Variants in ATP10A observed in about 807,000 individuals in gnomAD.
The protein encoded by ATP10A is phospholipid-transporting ATPase VA.
A neutral mutation model predicts 147.8 loss-of-function variants in ATP10A; 111 were observed. The observed-to-expected ratio is 0.75, with a 90% confidence interval of 0.64 to 0.88. ATP10A has a LOEUF of 0.88. Among genes scored for constraint, ATP10A ranks in the 40% least tolerant of loss-of-function variants. ATP10A has a pLI of 0.00. For synonymous variants in ATP10A, 875 were observed against 841.6 expected, an observed-to-expected ratio of 1.04 and a Z score of -0.69; for missense variants, 1,927 against 1,959.0, an observed-to-expected ratio of 0.98 and a Z score of 0.31.
At chr15:25,783,124 C>T (rs540162308) in intron 1 of ATP10A, among the ~76,000 whole-genome samples, 5 of 152,204 alleles carry the variant, frequency 3.3e-5, no homozygotes, top group African/African-American at 4.8e-5. Context: ...TGCAGTGAGC[C>T]GTGATGGCAC....
intron 1 of ATP10A, among the ~76,000 whole-genome samples, chr15:25,842,381 T>G (rs988480175): frequency 6.6e-6 from 1 of 152,180 alleles, no homozygotes; most frequent in African/African-American, 2.4e-5. Flanking sequence ...GAGGCCCCAG[T>G]CAGTCTGCCT....
Position 25,723,923 on chromosome 15 carries a change from A to C in ATP10A, c.1078T>G (p.Tyr360Asp). Residue 360 changes from tyrosine to aspartate, a missense_variant, in exon 6 of 21, where the codon TAC becomes GAC. Tyr to Asp is a radical substitution (Grantham distance 160, BLOSUM62 -3). Coordinates refer to ENST00000555815, the MANE Select transcript of ATP10A (RefSeq NM_024490.4). ...SSLSPVTAAVYSFLTMIIVLQ... is the reference protein window; with the variant it reads ...SSLSPVTAAVDSFLTMIIVLQ... Reference sequence around the variant, plus strand: ...ACTATTATCATTGTTAAAAATGAGTAAACTGCAGCTGTGACTGGGGATAAG... The same window carrying C: ...ACTATTATCATTGTTAAAAATGAGTCAACTGCAGCTGTGACTGGGGATAAG... The C allele has an allele frequency of 6.2e-7, 1 of 1,606,762 alleles. No individual in the cohort carries two copies. Among genetic ancestry groups the C allele is most frequent in the Non-Finnish European group, 8.5e-7 (1 of 1,177,782 alleles).
At chr15:25,807,562 G>T (rs1891247276) in intron 1 of ATP10A, among the ~76,000 whole-genome samples, 1 of 152,222 alleles carries the variant, frequency 6.6e-6, no homozygotes, top group Non-Finnish European at 1.5e-5. Context: ...CAGCACTTTG[G>T]GAGGCCAAGG....
At chr15:25,700,185 C>A (rs1367444777) in intron 13 of ATP10A, among the ~76,000 whole-genome samples, 1 of 152,274 alleles carries the variant, frequency 6.6e-6, no homozygotes, top group South Asian at 2.1e-4. Flanking sequence ...TAACAAGATA[C>A]CACTACACAC....
At position 25,694,794 on chromosome 15, in the gene ATP10A, C is replaced by T. The variant is rs753855699; in HGVS notation, c.3088+25G>A. Reference sequence around the variant, plus strand: ...AAGTTTGGGTCCAGCTGGGAGGAGGCCGTCTGGCCAGCTGGGATACTTGCC... The same window carrying T: ...AAGTTTGGGTCCAGCTGGGAGGAGGTCGTCTGGCCAGCTGGGATACTTGCC... On this transcript the variant is annotated intron_variant, in intron 14 of 20. Transcript: ENST00000555815. 3.2e-6 allele frequency: 5 copies of T among 1,576,128 alleles called. No individual in the cohort carries two copies. The Admixed American group carries it at 8.7e-5, about 27-fold the overall frequency.
intron 1 of ATP10A, among the ~76,000 whole-genome samples, chr15:25,815,120 C>T (rs1891594938): frequency 6.6e-6 from 1 of 152,194 alleles, no homozygotes; most frequent in Non-Finnish European, 1.5e-5. Flanking sequence ...ACCAGGTCGA[C>T]ATCACACCAC....
At chr15:25,852,491 G>A (rs999355028) in intron 1 of ATP10A, among the ~76,000 whole-genome samples, 2 of 152,048 alleles carry the variant, frequency 1.3e-5, no homozygotes, top group East Asian at 1.9e-4. Flanking sequence ...AACCCTCAGC[G>A]TCTCTCTAAC....
chr15:25,786,174 G>A lies in ATP10A; in HGVS notation c.450-4951C>T, dbSNP rs571848814. Among the ~76,000 whole-genome samples, 93 of 152,278 alleles carry A rather than the reference G, an allele frequency of 6.1e-4. 1 individual carries two copies. Among genetic ancestry groups the A allele is most frequent in the African/African-American group, 2.1e-3 (88 of 41,556 alleles). Reference sequence around the variant, plus strand: ...GTGGCTGGGGGCAGAGAGGTGCCACGCCAGCACACGGCATCAGGGTGGGCC... The same window carrying A: ...GTGGCTGGGGGCAGAGAGGTGCCACACCAGCACACGGCATCAGGGTGGGCC... On this transcript the variant is annotated intron_variant, in intron 1 of 20. Transcript: ENST00000555815.
intron 1 of ATP10A, among the ~76,000 whole-genome samples, chr15:25,852,792 A>G (rs1015893472): frequency 1.3e-5 from 2 of 152,130 alleles, no homozygotes; most frequent in African/African-American, 4.8e-5. Context: ...CTACCCCTGT[A>G]CAATCATCCC....
chr15:25,748,354 T>G (rs1179458187), intron 2 of ATP10A, among the ~76,000 whole-genome samples: 2 of 152,154 alleles, frequency 1.3e-5, no homozygotes, highest in Non-Finnish European at 2.9e-5. Flanking sequence ...TGGTATGGCA[T>G]TAGAAAAATC....
At chr15:25,843,166 T>G (rs1463806735) in intron 1 of ATP10A, among the ~76,000 whole-genome samples, 8 of 151,956 alleles carry the variant, frequency 5.3e-5, no homozygotes, top group Non-Finnish European at 1.0e-4. Flanking sequence ...ATGTGCCTCC[T>G]CCCTGGCACC....
At chr15:25,809,208 C>CCCAACTGAGTGTGGAG in intron 1 of ATP10A, among the ~76,000 whole-genome samples, 1 of 152,206 alleles carries the variant, frequency 6.6e-6, no homozygotes, top group African/African-American at 2.4e-5. Context: ...CCAGAAAGAG[C>CCCAACTGAGTGTGGAG]CCAACTGAGT....
At chr15:25,837,398 G>A (rs1290713581) in intron 1 of ATP10A, among the ~76,000 whole-genome samples, 1 of 152,230 alleles carries the variant, frequency 6.6e-6, no homozygotes, top group Non-Finnish European at 1.5e-5. Context: ...GGGACCTGAA[G>A]TGAAATAAGC....
intron 2 of ATP10A, among the ~76,000 whole-genome samples, chr15:25,747,968 T>C (rs542873622): frequency 6.6e-6 from 1 of 152,274 alleles, no homozygotes; most frequent in South Asian, 2.1e-4. Context: ...AAATTCTTTT[T>C]TTTTTTTCTT....
intron 2 of ATP10A, among the ~76,000 whole-genome samples, chr15:25,750,453 G>C (rs1888086023): frequency 6.6e-6 from 1 of 151,904 alleles, no homozygotes; most frequent in South Asian, 2.1e-4. Flanking sequence ...AAATGATAAA[G>C]GAAGCCATTC....
intron 2 of ATP10A, among the ~76,000 whole-genome samples, chr15:25,738,771 ATT>A (rs1365278231): frequency 6.6e-6 from 1 of 152,188 alleles, no homozygotes; most frequent in East Asian, 1.9e-4. Flanking sequence ...CATCAACATA[ATT>A]ACAAGTTTGG....
At chr15:25,717,018 G>A in intron 8 of ATP10A, 94 bp from the exon 9 acceptor site, 2 of 1,010,424 alleles carry the variant, frequency 2.0e-6, no homozygotes, top group Non-Finnish European at 2.8e-6. Context: ...TTTATTATAA[G>A]CTGTAAACAG....
Position 25,863,054 on chromosome 15 carries a change from C to T in ATP10A, c.43G>A (p.Gly15Arg). 1 of 1,252,402 alleles carries T rather than the reference C, an allele frequency of 8.0e-7. No homozygotes were observed. The highest frequency in any genetic ancestry group is 1.0e-6 in the Non-Finnish European group (1 of 1,001,982). The allele number at this position is 1,252,402 out of a possible 1,614,324, so 77.6% of individuals were successfully genotyped here. Residue 15 changes from glycine to arginine, a missense_variant, in exon 1 of 21, where the codon GGA (glycine) becomes AGA (arginine). Transcript: ENST00000555815. Reference protein sequence around the residue: ...PAGTEEPGPPGRRRRREGRTR... With the variant: ...PAGTEEPGPPRRRRRREGRTR... ...CTGCCCTCTCGGCGCCTCCGCCGTCCCGGAGGCCCGGGCTCCTCGGTCCCC... is the reference window on the plus strand; with the variant it reads ...CTGCCCTCTCGGCGCCTCCGCCGTCTCGGAGGCCCGGGCTCCTCGGTCCCC...
rs201890215 is a variant in ATP10A, at chr15:25,713,836, G to C, written c.2182C>G (p.His728Asp). Residue 728 changes from histidine to aspartate, a missense_variant, in exon 10 of 21, where the codon CAC (histidine) becomes GAC (aspartate). His to Asp is a moderately conservative substitution (Grantham distance 81). Coordinates refer to ENST00000555815, the MANE Select transcript of ATP10A (RefSeq NM_024490.4). ...AGCTCGAAGGTGAGCCTGCCCAGGT[G>C]GGGCAGCTCCACTGACACTTGGTCG... ...LHDQVSVELP[H>D]LGRLTFELLH... 8 of 1,614,010 alleles carry C rather than the reference G, an allele frequency of 5.0e-6. No individual in the cohort carries two copies. In the African/African-American group the frequency reaches 8.0e-5, roughly 16 times the overall value.
Sources: gnomAD v4.1 joint callset for allele counts (sites outside exome capture counted in the v4.1 genomes callset) on GRCh38, gnomAD v4.1.1 for gene constraint, MANE v1.5 for transcripts, NCBI Gene and HGNC (gene_info 2026-07-23, HGNC 2026-07-21) for gene names.